NEMF: variants seen among roughly 807,000 people sequenced by gnomAD.
NEMF encodes the protein ribosome quality control complex subunit NEMF.
In NEMF, 89 loss-of-function variants were observed where a neutral mutation model predicts 162.2. The ratio of observed to expected loss-of-function variants is 0.55; its 90% CI spans 0.46 to 0.65. The LOEUF (loss-of-function observed/expected upper bound fraction) is 0.65, where lower values mean the gene tolerates loss of function less well. NEMF is among the 30% of genes least tolerant of loss of function. The pLI, the probability that NEMF is intolerant of heterozygous loss-of-function variation, is 0.00. For synonymous variants in NEMF, 421 were observed against 404.5 expected (o/e 1.04, Z -0.49); for missense variants, 1,133 against 1,261.9 (o/e 0.90, Z 1.55).
At position 49,827,915 on chromosome 14, in the gene NEMF, C is replaced by T. The variant is rs529912343; in HGVS notation, c.1488+376G>A. Among the ~76,000 whole-genome samples, 77 of 152,046 alleles carry T rather than the reference C, an allele frequency of 5.1e-4. 1 individual carries two copies. In the South Asian group the frequency reaches 0.012, roughly 23 times the overall value. On this transcript the variant is annotated intron_variant, in intron 15 of 32. Transcript: ENST00000298310. ...CAATAAGAGGCTACTTGTCATAGTC[C>T]ATGTGAACACAGAGGTGATAGGGGA...
chr14:49,832,434 C>A (rs754456717), intron 8 of NEMF, among the ~76,000 whole-genome samples, 157 bp from the exon 9 acceptor site: 1 of 151,706 alleles, frequency 6.6e-6, no homozygotes, highest in Admixed American at 6.6e-5. Flanking sequence ...CGGGTTCAAG[C>A]AATTCTCATG....
chr14:49,807,229 G>T (rs1891256552), intron 18 of NEMF, among the ~76,000 whole-genome samples: 1 of 152,252 alleles, frequency 6.6e-6, no homozygotes, highest in South Asian at 2.1e-4. Flanking sequence ...TCTGTTCTTT[G>T]CAAGTCTGAA....
chr14:49,793,865 T>C (rs763838065), intron 26 of NEMF, among the ~76,000 whole-genome samples: 3 of 151,176 alleles, frequency 2.0e-5, no homozygotes, highest in Non-Finnish European at 4.4e-5. Flanking sequence ...ATTTGATGGG[T>C]AAAAAAAATT....
At chr14:49,786,473 AAAC>A (rs955382595) in intron 29 of NEMF, 1 of 510,636 alleles carries the variant, frequency 2.0e-6, no homozygotes, top group African/African-American at 1.9e-5. Flanking sequence ...TTAGTTATCA[AAAC>A]AACCCTCTCC....
At chr14:49,846,355 C>A in intron 3 of NEMF, 90 bp from the exon 4 acceptor site, 1 of 1,187,846 alleles carries the variant, frequency 8.4e-7, no homozygotes, top group South Asian at 1.3e-5. Context: ...TTTTCATTAT[C>A]ATCAGGAATA....
At chr14:49,835,307 T>G (rs1892846064) in intron 6 of NEMF, among the ~76,000 whole-genome samples, 1 of 152,152 alleles carries the variant, frequency 6.6e-6, no homozygotes, top group Non-Finnish European at 1.5e-5. Flanking sequence ...TTATAGGAAT[T>G]TAATGGGCTT....
At chr14:49,814,108 T>C in intron 17 of NEMF, 58 bp from the exon 18 acceptor site, 1 of 1,060,320 alleles carries the variant, frequency 9.4e-7, no homozygotes, top group Non-Finnish European at 1.4e-6. Flanking sequence ...TTTTTTCCTT[T>C]TTTTTTTTTC....
intron 4 of NEMF, 40 bp from the exon 5 acceptor site, chr14:49,840,906 A>C: frequency 6.3e-7 from 1 of 1,579,246 alleles, no homozygotes. Flanking sequence ...TCTTTCAAAT[A>C]ATTTTTGAGG....
intron 18 of NEMF, among the ~76,000 whole-genome samples, chr14:49,806,995 T>C (rs1157794953): frequency 6.6e-6 from 1 of 152,190 alleles, no homozygotes; most frequent in Non-Finnish European, 1.5e-5. Context: ...CAGAATATTT[T>C]CATCATCCCA....
intron 28 of NEMF, 153 bp from the exon 29 acceptor site, chr14:49,786,903 A>G (rs1890204413): frequency 1.6e-6 from 1 of 634,028 alleles, no homozygotes; most frequent in South Asian, 2.0e-5. Flanking sequence ...TCTTCCTAAG[A>G]CTCTGAAGTG....
chr14:49,851,885 T>C lies in NEMF; in HGVS notation c.60-10A>G, dbSNP rs983678727. ...TCTCATTCCTAGCAAGCTGCAAAGA[T>C]AAAGGAAACATGTAACATGTTACAC... is the stretch of plus-strand genomic sequence containing the variant. On this transcript the variant is annotated splice_polypyrimidine_tract_variant and intron_variant, in intron 1 of 32. Coordinates refer to ENST00000298310, the MANE Select transcript of NEMF (RefSeq NM_004713.6). 9 of 1,527,010 alleles carry C rather than the reference T, an allele frequency of 5.9e-6. No homozygotes were observed. The East Asian group carries it at 1.8e-4, about 31-fold the overall frequency. The allele number at this position is 1,527,010 out of a possible 1,614,324, so 94.6% of individuals were successfully genotyped here. A position where few individuals can be genotyped will look rare whatever the true frequency, so the allele number is the denominator to read the frequency against.
intron 4 of NEMF, among the ~76,000 whole-genome samples, chr14:49,842,015 G>T (rs1174330684): frequency 1.3e-5 from 2 of 152,028 alleles, no homozygotes; most frequent in Non-Finnish European, 2.9e-5. Context: ...TGAGGCAGGA[G>T]AATGGCTTGA....
chr14:49,809,875 A>T lies in NEMF; in HGVS notation c.1745-3742T>A, dbSNP rs572465450. 4.6e-5 allele frequency among the ~76,000 whole-genome samples: 7 copies of T among 152,140 alleles called. 1 individual carries two copies. In the South Asian group the frequency reaches 1.5e-3, roughly 32 times the overall value. ...GACTCTGTCTCAAAAAAAGAGAGTGAACTCTAATGCAAACTATGGACTCTG... is the reference window on the plus strand; with the variant it reads ...GACTCTGTCTCAAAAAAAGAGAGTGTACTCTAATGCAAACTATGGACTCTG... On this transcript the variant is annotated intron_variant, in intron 18 of 32. Coordinates refer to ENST00000298310, the MANE Select transcript of NEMF (RefSeq NM_004713.6).
chr14:49,789,540 C>G lies in NEMF; in HGVS notation c.2653G>C (p.Asp885His). Residue 885 changes from aspartate to histidine, a missense_variant, in exon 27 of 33, where the codon GAC becomes CAC. Physicochemically the swap from Asp to His is moderately conservative, Grantham distance 81 (BLOSUM62 -1). Coordinates refer to ENST00000298310, the MANE Select transcript of NEMF (RefSeq NM_004713.6). ...AGTTCACGGTCTTCTTCATCCTGGTCTTTGTATTTTTCTTTCATTTTTTTC... is the reference window on the plus strand; with the variant it reads ...AGTTCACGGTCTTCTTCATCCTGGTGTTTGTATTTTTCTTTCATTTTTTTC... The part of the protein sequence containing the change: ...KMKKMKEKYK[D>H]QDEEDRELIM... The G allele has an allele frequency of 1.2e-6, 2 of 1,611,676 alleles. No individual in the cohort carries two copies. The highest frequency in any genetic ancestry group is 8.5e-7 in the Non-Finnish European group (1 of 1,179,462).
chr14:49,787,539 T>C (rs1007998518), intron 28 of NEMF, among the ~76,000 whole-genome samples: 17 of 152,266 alleles, frequency 1.1e-4, no homozygotes, highest in African/African-American at 2.9e-4. Flanking sequence ...TGGCACCTTA[T>C]TGCAGTGTCC....
At chr14:49,839,224 T>TGTAATTCAG (rs1240967681) in intron 5 of NEMF, among the ~76,000 whole-genome samples, 1 of 151,908 alleles carries the variant, frequency 6.6e-6, no homozygotes, top group African/African-American at 2.4e-5. Flanking sequence ...ATTACAGGCA[T>TGTAATTCAG]GCACCACCAT....
Position 49,829,219 on chromosome 14 carries a change from T to C in NEMF, c.1067A>G (p.Gln356Arg). The C allele has an allele frequency of 6.2e-7, 1 of 1,614,192 alleles. No individual in the cohort carries two copies. The highest frequency in any genetic ancestry group is 8.5e-7 in the Non-Finnish European group (1 of 1,180,026). Residue 356 changes from glutamine (Q) to arginine (R), a missense_variant, in exon 13 of 33, where the codon CAA (glutamine) becomes CGA (arginine). Gln to Arg is a conservative substitution (Grantham distance 43). Coordinates refer to ENST00000298310, the MANE Select transcript of NEMF (RefSeq NM_004713.6). ...TACCTGAATGGCTCTGTCAACTATT[T>C]GTAGGTTCATTTCTATGAGCTCTCC... Reference protein sequence around the residue: ...LKGELIEMNLQIVDRAIQVVR... With the variant: ...LKGELIEMNLRIVDRAIQVVR...
At chr14:49,828,528 G>T in intron 14 of NEMF, 88 bp downstream of exon 14, 1 of 1,174,740 alleles carries the variant, frequency 8.5e-7, no homozygotes, top group Non-Finnish European at 1.2e-6. Context: ...GCATGTACAA[G>T]TGAAATTTAA....
intron 6 of NEMF, among the ~76,000 whole-genome samples, chr14:49,837,830 A>C (rs1482773927): frequency 6.6e-6 from 1 of 151,944 alleles, no homozygotes; most frequent in South Asian, 2.1e-4. Context: ...AAAAAAAAAA[A>C]AAACCAAAAA....
Sources: gnomAD v4.1 joint callset for allele counts (sites outside exome capture counted in the v4.1 genomes callset) on GRCh38, gnomAD v4.1.1 for gene constraint, MANE v1.5 for transcripts, NCBI Gene and HGNC (gene_info 2026-07-23, HGNC 2026-07-21) for gene names.